Variants in SH3GL2 observed in about 807,000 individuals in gnomAD.
The protein encoded by SH3GL2 is SH3 domain containing GRB2 like 2, endophilin A1.
A neutral mutation model predicts 46.0 loss-of-function variants in SH3GL2; 24 were observed. The ratio of observed to expected loss-of-function variants is 0.52; its 90% CI spans 0.38 to 0.73. The LOEUF (loss-of-function observed/expected upper bound fraction) is 0.73, where lower values mean the gene tolerates loss of function less well. Ranked by LOEUF, SH3GL2 falls within the 30% of genes least tolerant of loss-of-function variation. SH3GL2 has a pLI of 0.00. For missense variants in SH3GL2, 413 were observed against 424.2 expected (o/e 0.97, Z 0.23); for synonymous variants, 196 against 147.1 (o/e 1.33, Z -2.40).
In SH3GL2 at chr9:17,789,524, A is replaced by G. The variant is rs778252771; in HGVS notation, c.598A>G (p.Ser200Gly). Residue 200 changes from serine (S) to glycine (G), a missense_variant, in exon 6 of 9, where the codon AGC becomes GGC. Around this residue, in one of 3 missense-constraint regions of SH3GL2, gnomAD observed 248 missense variants for 215.0 expected, o/e 1.15. Coordinates refer to ENST00000380607, the MANE Select transcript of SH3GL2 (RefSeq NM_003026.5). ...FDESKEIAES[S>G]MFNLLEMDIE... ...TGAGTCTAAGGAAATTGCTGAGTCAAGCATGTTCAATCTCTTGGAGATGGA... is the reference window on the plus strand; with the variant it reads ...TGAGTCTAAGGAAATTGCTGAGTCAGGCATGTTCAATCTCTTGGAGATGGA... 1 of 1,613,554 alleles carries G rather than the reference A, an allele frequency of 6.2e-7. No individual in the cohort carries two copies. The highest frequency in any genetic ancestry group is 1.7e-5 in the Admixed American group (1 of 59,984).
At chr9:17,682,461 A>G in intron 1 of SH3GL2, among the ~76,000 whole-genome samples, 1 of 152,166 alleles carries the variant, frequency 6.6e-6, no homozygotes. Context: ...ACACAGGAAC[A>G]GAAAATCAAA....
chr9:17,589,288 C>G (rs1434412757), intron 1 of SH3GL2: 1 of 152,216 alleles, frequency 6.6e-6, no homozygotes, highest in Non-Finnish European at 1.5e-5. Context: ...ACCTCAGCCT[C>G]CAGAGTAGTG....
chr9:17,582,953 G>A (rs1452693590), intron 1 of SH3GL2, among the ~76,000 whole-genome samples: 2 of 152,122 alleles, frequency 1.3e-5, no homozygotes, highest in Non-Finnish European at 2.9e-5. Context: ...AAGGACCCCA[G>A]TCATATAGGA....
At chr9:17,641,044 T>A (rs186606731) in intron 1 of SH3GL2, among the ~76,000 whole-genome samples, 83 of 152,330 alleles carry the variant, frequency 5.4e-4, no homozygotes, top group African/African-American at 1.9e-3. Flanking sequence ...TATAAGCAAG[T>A]TGAAAAAAAT....
chr9:17,594,108 C>G (rs1402031243), intron 1 of SH3GL2, among the ~76,000 whole-genome samples: 1 of 152,194 alleles, frequency 6.6e-6, no homozygotes, highest in Non-Finnish European at 1.5e-5. Flanking sequence ...CTTCTTAAAA[C>G]TCTTCAGTGG....
At chr9:17,710,970 A>G (rs1255003806) in intron 1 of SH3GL2, among the ~76,000 whole-genome samples, 1 of 151,994 alleles carries the variant, frequency 6.6e-6, no homozygotes, top group Admixed American at 6.6e-5. Context: ...TTAATAAAAG[A>G]TATATGATTG....
intron 5 of SH3GL2, among the ~76,000 whole-genome samples, chr9:17,788,765 AAACTAAATCACT>A (rs1200424746): frequency 2.6e-5 from 4 of 152,104 alleles, no homozygotes; most frequent in Admixed American, 6.6e-5. Context: ...TGGGAGGCTT[AAACTAAATCACT>A]GGATTTAGTT....
intron 1 of SH3GL2, among the ~76,000 whole-genome samples, chr9:17,681,927 C>G (rs1435173133): frequency 2.0e-5 from 3 of 151,910 alleles, no homozygotes; most frequent in Non-Finnish European, 4.4e-5. Flanking sequence ...ATGTGGCCAA[C>G]AAACATATGA....
At chr9:17,647,364 G>A (rs1394949679) in intron 1 of SH3GL2, among the ~76,000 whole-genome samples, 17 of 152,098 alleles carry the variant, frequency 1.1e-4, no homozygotes, top group Admixed American at 1.1e-3. Context: ...AGATGTGGGT[G>A]ATTTCATTTA....
intron 1 of SH3GL2, among the ~76,000 whole-genome samples, chr9:17,669,600 G>A (rs1286750809): frequency 1.3e-5 from 2 of 152,140 alleles, no homozygotes; most frequent in African/African-American, 2.4e-5. Flanking sequence ...ATTATTGCAT[G>A]TTTATTGTTG....
At chr9:17,649,637 T>C (rs558584804) in intron 1 of SH3GL2, among the ~76,000 whole-genome samples, 22 of 152,332 alleles carry the variant, frequency 1.4e-4, no homozygotes, top group Non-Finnish European at 2.6e-4. Context: ...GGAGTTTGCT[T>C]TATTAGAGTA....
intron 1 of SH3GL2, among the ~76,000 whole-genome samples, chr9:17,674,209 C>G (rs1180867436): frequency 1.3e-5 from 2 of 152,134 alleles, no homozygotes; most frequent in African/African-American, 4.8e-5. Flanking sequence ...CACCAGATCA[C>G]CCCAAAACTA....
At chr9:17,709,749 C>A (rs1046078768) in intron 1 of SH3GL2, among the ~76,000 whole-genome samples, 2 of 150,968 alleles carry the variant, frequency 1.3e-5, no homozygotes, top group Non-Finnish European at 3.0e-5. Context: ...TGTTACTTTG[C>A]TTATTTTAGA....
chr9:17,748,867 T>A (rs1822766245), intron 2 of SH3GL2, among the ~76,000 whole-genome samples: 1 of 151,964 alleles, frequency 6.6e-6, no homozygotes, highest in Non-Finnish European at 1.5e-5. Flanking sequence ...TGGGAAAGAG[T>A]TAGCAGAGCC....
chr9:17,682,572 G>C (rs1032617227), intron 1 of SH3GL2, among the ~76,000 whole-genome samples: 4 of 152,026 alleles, frequency 2.6e-5, no homozygotes, highest in Middle Eastern at 3.4e-3. Context: ...GAGGCAAGGG[G>C]AGGGAACTTA....
At chr9:17,679,715 A>C (rs143844994) in intron 1 of SH3GL2, among the ~76,000 whole-genome samples, 1 of 152,174 alleles carries the variant, frequency 6.6e-6, no homozygotes, top group Non-Finnish European at 1.5e-5. Context: ...CGAGTTTTCA[A>C]AGGGAATGCT....
chr9:17,743,421 C>A (rs957995365), intron 1 of SH3GL2, among the ~76,000 whole-genome samples: 2 of 151,966 alleles, frequency 1.3e-5, no homozygotes, highest in East Asian at 3.9e-4. Context: ...CTAATAACAT[C>A]ATTCGCTATA....
Position 17,645,151 on chromosome 9 carries a change from C to CTTTTTT in SH3GL2, c.45+65890_45+65895dup, listed in dbSNP as rs57611978. Among the ~76,000 whole-genome samples the CTTTTTT allele has an allele frequency of 1.7e-4, 12 of 68,768 alleles. 2 individuals carry two copies. The highest frequency in any genetic ancestry group is 7.1e-4 in the East Asian group (2 of 2,832). 45.1% of individuals were successfully genotyped at this position (68,768 alleles called of 152,430 possible). On this transcript the variant is annotated intron_variant, in intron 1 of 8. Coordinates refer to ENST00000380607, the MANE Select transcript of SH3GL2 (RefSeq NM_003026.5). ...TCAGAGACTAGGATTGCAAACGCTG[C>CTTTTTT]TTTTTTTTTTTTTTTTTTTTTTTTT...
chr9:17,791,461 C>T (rs563754435), intron 7 of SH3GL2, 127 bp downstream of exon 7: 9 of 668,844 alleles, frequency 1.3e-5, no homozygotes, highest in African/African-American at 1.1e-4. Context: ...CCTACAGAGG[C>T]GCCTTGTGGA....
Sources: gnomAD v4.1 joint callset for allele counts (sites outside exome capture counted in the v4.1 genomes callset) on GRCh38, gnomAD v4.1.1 for gene constraint, gnomAD v4.1.1 regional missense constraint, MANE v1.5 for transcripts, NCBI Gene and HGNC (gene_info 2026-07-23, HGNC 2026-07-21) for gene names.